AGBL1: variants seen among roughly 807,000 people sequenced by gnomAD.
AGBL1 encodes cytosolic carboxypeptidase 4.
Under a neutral mutation model 118.9 loss-of-function variants are expected in AGBL1, and 130 were observed. The observed-to-expected ratio is 1.09, with a 90% CI of 0.95 to 1.26. AGBL1 has a LOEUF of 1.26. Among genes scored for constraint, AGBL1 ranks in the 50% most tolerant of loss-of-function variants. AGBL1 has a pLI of 0.00. For missense variants in AGBL1, 1,584 were observed against 1,298.1 expected (o/e 1.22, Z -3.38); for synonymous variants, 555 against 478.9 (o/e 1.16, Z -2.08).
intron 22 of AGBL1, among the ~76,000 whole-genome samples, chr15:86,877,141 A>C (rs1020894195): frequency 6.6e-6 from 1 of 152,134 alleles, no homozygotes; most frequent in Admixed American, 6.5e-5. Context: ...GTTCAAATGC[A>C]TAAAAGCCCC....
intron 17 of AGBL1, among the ~76,000 whole-genome samples, chr15:86,310,343 A>G (rs989275360): frequency 7.3e-5 from 11 of 150,820 alleles, no homozygotes; most frequent in African/African-American, 2.4e-4. Context: ...AGGTTTGTCA[A>G]TTTTGTTTAT....
Position 86,264,617 on chromosome 15 carries a change from T to G in AGBL1, c.1446T>G (p.Phe482Leu), listed in dbSNP as rs570447653. ...AIFCPRMSAS[F>L]SNSTRTREVV... is the part of the protein sequence containing the mutation. ...TCTGCCCAAGGATGAGTGCCTCCTT[T>G]TCTAATTCCACTAGGACTAGAGAAG... Residue 482 changes from phenylalanine to leucine, a missense_variant, in exon 11 of 23, where the codon TTT becomes TTG. Physicochemically the swap from Phe to Leu is conservative, Grantham distance 22. Transcript: ENST00000614907. 6.2e-7 allele frequency: 1 copy of G among 1,613,780 alleles called. No homozygotes were observed. Among genetic ancestry groups the G allele is most frequent in the African/African-American group, 1.3e-5 (1 of 75,020 alleles).
At chr15:86,088,664 C>T (rs1378665860) in intron 1 of AGBL1, among the ~76,000 whole-genome samples, 2 of 152,164 alleles carry the variant, frequency 1.3e-5, no homozygotes, top group South Asian at 2.1e-4. Flanking sequence ...ACTCAAAAAG[C>T]GTTGTGGAAA....
chr15:86,091,555 A>T (rs1222929644), intron 1 of AGBL1, among the ~76,000 whole-genome samples: 2 of 152,164 alleles, frequency 1.3e-5, no homozygotes, highest in African/African-American at 4.8e-5. Context: ...CAAGGCAGTG[A>T]GTCATAAGTT....
At chr15:86,713,049 G>A (rs543334199) in intron 22 of AGBL1, among the ~76,000 whole-genome samples, 6 of 152,238 alleles carry the variant, frequency 3.9e-5, no homozygotes, top group African/African-American at 1.4e-4. Context: ...CCAGGAGAAA[G>A]CAAGCTCCTT....
At chr15:86,683,121 A>G (rs960850620) in intron 22 of AGBL1, among the ~76,000 whole-genome samples, 1 of 152,210 alleles carries the variant, frequency 6.6e-6, no homozygotes, top group African/African-American at 2.4e-5. Context: ...GAGTTCAGCA[A>G]CACAAAAAAC....
intron 16 of AGBL1, among the ~76,000 whole-genome samples, chr15:86,290,855 A>C (rs1597688776): frequency 6.6e-6 from 1 of 150,376 alleles, no homozygotes; most frequent in South Asian, 2.1e-4. Context: ...CCGACCCCAC[A>C]ACAGTCCCTA....
chr15:86,694,414 A>T (rs1248329069), intron 22 of AGBL1, among the ~76,000 whole-genome samples: 1 of 152,092 alleles, frequency 6.6e-6, no homozygotes, highest in Admixed American at 6.6e-5. Context: ...GTTGGTGTAT[A>T]GCAGAGCTAC....
At chr15:86,311,364 CTA>C (rs1639996208) in intron 17 of AGBL1, among the ~76,000 whole-genome samples, 1 of 152,074 alleles carries the variant, frequency 6.6e-6, no homozygotes, top group South Asian at 2.1e-4. Flanking sequence ...AAATGAAAGT[CTA>C]TTTTTTGTTT....
chr15:86,458,982 C>T (rs2082296449), intron 18 of AGBL1, among the ~76,000 whole-genome samples: 1 of 152,130 alleles, frequency 6.6e-6, no homozygotes, highest in African/African-American at 2.4e-5. Flanking sequence ...CTGTACTCAC[C>T]TTTTGCCTTA....
chr15:86,104,048 A>C (rs1353312117), intron 1 of AGBL1, among the ~76,000 whole-genome samples: 1 of 152,194 alleles, frequency 6.6e-6, no homozygotes, highest in Non-Finnish European at 1.5e-5. Context: ...TGGTGCATGC[A>C]GGTGGGTGCC....
intron 21 of AGBL1, among the ~76,000 whole-genome samples, chr15:86,632,689 A>G (rs1487589541): frequency 1.3e-5 from 2 of 149,110 alleles, no homozygotes; most frequent in South Asian, 4.2e-4. Context: ...AAACTAACCC[A>G]TGTAATTTTT....
At chr15:86,947,582 T>C (rs77217698) in intron 23 of AGBL1, among the ~76,000 whole-genome samples, 1,749 of 152,330 alleles carry the variant, frequency 0.011, 33 homozygotes, top group African/African-American at 0.04. Context: ...TATCAAACTT[T>C]GTTGTAATTT....
At chr15:86,815,449 G>A (rs761287357) in intron 22 of AGBL1, among the ~76,000 whole-genome samples, 7 of 152,048 alleles carry the variant, frequency 4.6e-5, no homozygotes, top group Non-Finnish European at 8.8e-5. Flanking sequence ...AAAAACGTGT[G>A]TAAGAGAGAT....
At chr15:86,395,677 T>C (rs2081350648) in intron 17 of AGBL1, among the ~76,000 whole-genome samples, 1 of 151,994 alleles carries the variant, frequency 6.6e-6, no homozygotes, top group South Asian at 2.1e-4. Flanking sequence ...GTAACCTGTT[T>C]TCACCGTAGT....
intron 23 of AGBL1, among the ~76,000 whole-genome samples, chr15:86,976,371 T>A (rs2081176893): frequency 6.6e-6 from 1 of 151,912 alleles, no homozygotes; most frequent in Non-Finnish European, 1.5e-5. Context: ...TCATTAGATG[T>A]TCTTTACCCA....
At chr15:86,192,383 T>G (rs2077737394) in intron 5 of AGBL1, among the ~76,000 whole-genome samples, 1 of 151,260 alleles carries the variant, frequency 6.6e-6, no homozygotes, top group African/African-American at 2.4e-5. Flanking sequence ...GTTTATAAAC[T>G]TATATAGTTT....
intron 23 of AGBL1, among the ~76,000 whole-genome samples, chr15:86,956,908 G>C (rs2080937175): frequency 6.6e-6 from 1 of 152,116 alleles, no homozygotes; most frequent in South Asian, 2.1e-4. Flanking sequence ...ATATAACACT[G>C]AACACATCTA....
intron 23 of AGBL1, among the ~76,000 whole-genome samples, chr15:86,925,111 GA>G (rs2080518151): frequency 1.5e-5 from 1 of 68,704 alleles, no homozygotes; most frequent in Non-Finnish European, 3.5e-5. Flanking sequence ...AGAAGAAGAA[GA>G]AGAAGAAGAA....
Sources: allele counts gnomAD v4.1 joint callset (sites outside exome capture counted in the v4.1 genomes callset), GRCh38; gene constraint gnomAD v4.1.1; transcripts MANE v1.5; gene names NCBI Gene and HGNC (gene_info 2026-07-23, HGNC 2026-07-21).